UAP1L1: variants seen among roughly 807,000 people sequenced by gnomAD.
UAP1L1 encodes UDP-N-acetylhexosamine pyrophosphorylase-like protein 1.
Under a neutral mutation model 45.3 loss-of-function variants are expected in UAP1L1, and 45 were observed. The observed-to-expected ratio is 0.99, with a 90% confidence interval of 0.78 to 1.27. The LOEUF (loss-of-function observed/expected upper bound fraction) is 1.27, where lower values mean the gene tolerates loss of function less well. Among genes scored for constraint, UAP1L1 ranks in the 50% most tolerant of loss-of-function variants. UAP1L1 has a pLI of 0.00. For missense variants in UAP1L1, 667 were observed against 694.0 expected (o/e 0.96, Z 0.44); for synonymous variants, 323 against 303.9 (o/e 1.06, Z -0.65).
chr9:137,082,772 CCG>C lies in UAP1L1; in HGVS notation c.*44_*45del. On this transcript the variant is annotated 3_prime_UTR_variant, in exon 9 of 9. Transcript: ENST00000409858. This position sits in a 1 kb window ranked among gnomAD's most constrained non-coding sequence, Gnocchi z 5.7. ...CAGACTCCCCCGAGACCTGCCAGCC[CCG>C]GCATCCTGGAAGTCCCGACTCCCCC... 1 of 1,500,288 alleles carries C rather than the reference CCG, an allele frequency of 6.7e-7. No individual in the cohort carries two copies. Among genetic ancestry groups the C allele is most frequent in the South Asian group, 1.2e-5 (1 of 82,762 alleles). 92.9% of individuals were successfully genotyped at this position (1,500,288 alleles called of 1,614,324 possible).
At chr9:137,080,608 C>T in intron 6 of UAP1L1, 81 bp from the exon 7 acceptor site, 2 of 1,406,644 alleles carry the variant, frequency 1.4e-6, no homozygotes, top group Non-Finnish European at 9.7e-7. Flanking sequence ...CACTCTGTCA[C>T]TGGAAACCTG....
In UAP1L1 at chr9:137,082,604, G is replaced by T; in HGVS notation, c.1432-33G>T. The T allele has an allele frequency of 6.6e-7, 1 of 1,526,656 alleles. No individual in the cohort carries two copies. Among genetic ancestry groups the T allele is most frequent in the Non-Finnish European group, 8.9e-7 (1 of 1,124,648 alleles). 94.6% of individuals were successfully genotyped at this position (1,526,656 alleles called of 1,614,324 possible). A position where few individuals can be genotyped will look rare whatever the true frequency, so the allele number is the denominator to read the frequency against. ...AGGGGCTGTGACCCGCCAAAAGGTG[G>T]GTACTTGGCCATTGTCCCCTGCTCG... On this transcript the variant is annotated intron_variant, in intron 8 of 8. Coordinates refer to ENST00000409858, the MANE Select transcript of UAP1L1 (RefSeq NM_207309.3). The surrounding 1 kb of genome is among the most constrained non-coding windows in gnomAD (Gnocchi z 5.7).
In UAP1L1 at chr9:137,079,867, C is replaced by T. The variant is rs1034581655; in HGVS notation, c.1038-135C>T. 14 of 1,061,254 alleles carry T rather than the reference C, an allele frequency of 1.3e-5. No individual in the cohort carries two copies. In the Admixed American group the frequency reaches 3.0e-4, roughly 23 times the overall value. The allele number at this position is 1,061,254 out of a possible 1,614,324, so 65.7% of individuals were successfully genotyped here. On this transcript the variant is annotated intron_variant, in intron 5 of 8. Transcript: ENST00000409858. ...TCCCTGGAGATCTGGCCCTACTCTGCCGCTTCTGTGCCCTGTAGTGTCCTT... is the reference window on the plus strand; with the variant it reads ...TCCCTGGAGATCTGGCCCTACTCTGTCGCTTCTGTGCCCTGTAGTGTCCTT...
Position 137,082,497 on chromosome 9 carries a change from G to A in UAP1L1, c.1432-140G>A. 1 of 683,264 alleles carries A rather than the reference G, an allele frequency of 1.5e-6. No homozygotes were observed. Among genetic ancestry groups the A allele is most frequent in the Non-Finnish European group, 2.5e-6 (1 of 394,764 alleles). The allele number at this position is 683,264 out of a possible 1,614,324, so 42.3% of individuals were successfully genotyped here. A position where few individuals can be genotyped will look rare whatever the true frequency, so the allele number is the denominator to read the frequency against. On this transcript the variant is annotated intron_variant, in intron 8 of 8. Coordinates refer to ENST00000409858, the MANE Select transcript of UAP1L1 (RefSeq NM_207309.3). This position sits in a 1 kb window ranked among gnomAD's most constrained non-coding sequence, Gnocchi z 5.7. Reference sequence around the variant, plus strand: ...CAGTGTGTGTCTGCTCCTGGCCCTGGAAGCCTTTCTGTCCCCACCCCTCCC... The same window carrying A: ...CAGTGTGTGTCTGCTCCTGGCCCTGAAAGCCTTTCTGTCCCCACCCCTCCC...
chr9:137,082,603 G>A lies in UAP1L1; in HGVS notation c.1432-34G>A. ...GAGGGGCTGTGACCCGCCAAAAGGT[G>A]GGTACTTGGCCATTGTCCCCTGCTC... On this transcript the variant is annotated intron_variant, in intron 8 of 8. Transcript: ENST00000409858. This position sits in a 1 kb window ranked among gnomAD's most constrained non-coding sequence, Gnocchi z 5.7. 6.6e-7 allele frequency: 1 copy of A among 1,521,782 alleles called. No individual in the cohort carries two copies. The highest frequency in any genetic ancestry group is 8.9e-7 in the Non-Finnish European group (1 of 1,120,198). The allele number at this position is 1,521,782 out of a possible 1,614,324, so 94.3% of individuals were successfully genotyped here.
chr9:137,078,587 G>T lies in UAP1L1; in HGVS notation c.580G>T (p.Val194Leu). Residue 194 changes from valine to leucine, a missense_variant, in exon 3 of 9, where the codon GTG (valine) becomes TTG (leucine). Transcript: ENST00000409858. ...CTTCTTCCACCTGGACCCCGCCAACGTGGTCATGTTTGAGCAGCGCCTGCT... is the reference window on the plus strand; with the variant it reads ...CTTCTTCCACCTGGACCCCGCCAACTTGGTCATGTTTGAGCAGCGCCTGCT... ...HNFFHLDPAN[V>L]VMFEQRLLPA... 1 of 1,613,186 alleles carries T rather than the reference G, an allele frequency of 6.2e-7. No homozygotes were observed. Among genetic ancestry groups the T allele is most frequent in the Non-Finnish European group, 8.5e-7 (1 of 1,180,024 alleles).
rs766478973 is a variant in UAP1L1 at position 137,077,628 on chromosome 9, C to T, written c.96C>T (p.Ala32=). The change falls in exon 1 of 9, where the codon GCC becomes GCT. Residue 32 remains alanine (A), a synonymous_variant. Coordinates refer to ENST00000409858, the MANE Select transcript of UAP1L1 (RefSeq NM_207309.3). The surrounding 1 kb of genome is among the most constrained non-coding windows in gnomAD (Gnocchi z 4.7). ...FWAELAPEPR[A]ALLAELALLE... Reference sequence around the variant, plus strand: ...CCGAGCTGGCGCCGGAGCCACGAGCCGCGCTGCTGGCGGAGCTGGCGCTGC... The same window carrying T: ...CCGAGCTGGCGCCGGAGCCACGAGCTGCGCTGCTGGCGGAGCTGGCGCTGC... 5 of 1,331,712 alleles carry T rather than the reference C, an allele frequency of 3.8e-6. No homozygotes were observed. Among genetic ancestry groups the T allele is most frequent in the South Asian group, 3.1e-5 (2 of 65,088 alleles). The allele number at this position is 1,331,712 out of a possible 1,614,324, so 82.5% of individuals were successfully genotyped here.
At position 137,080,038 on chromosome 9, in the gene UAP1L1, G is replaced by A. The variant is rs763035928; in HGVS notation, c.1074G>A (p.Val358=). Residue 358 remains valine (V), a synonymous_variant, in exon 6 of 9, where the codon GTG becomes GTA. Transcript: ENST00000409858. Reference sequence around the variant, plus strand: ...CTTTGCTGAAGCCACACGTGGCTGTGAAGAAGGTCCCGTATGTGGATGAGG... The same window carrying A: ...CTTTGCTGAAGCCACACGTGGCTGTAAAGAAGGTCCCGTATGTGGATGAGG... ...FEPLLKPHVA[V]KKVPYVDEEG... 1.2e-6 allele frequency: 2 copies of A among 1,614,030 alleles called. No individual in the cohort carries two copies. Among genetic ancestry groups the A allele is most frequent in the African/African-American group, 2.7e-5 (2 of 74,952 alleles).
chr9:137,079,828 C>T (rs888947096), intron 5 of UAP1L1, 174 bp from the exon 6 acceptor site: 3 of 729,188 alleles, frequency 4.1e-6, no homozygotes, highest in African/African-American at 3.6e-5. Flanking sequence ...AGGGAGGAGG[C>T]CTGTGCCTGC....
intron 7 of UAP1L1, among the ~76,000 whole-genome samples, chr9:137,081,106 G>A (rs1213832309): frequency 1.3e-5 from 2 of 152,228 alleles, no homozygotes; most frequent in Non-Finnish European, 2.9e-5. Context: ...ACTGAGGGAG[G>A]CAGGGGCTCC....
intron 2 of UAP1L1, 80 bp downstream of exon 2, chr9:137,078,334 C>A: frequency 6.5e-7 from 1 of 1,530,252 alleles, no homozygotes; most frequent in Non-Finnish European, 8.8e-7. Context: ...ACGCGAGCCC[C>A]AACCCCGGCA....
chr9:137,082,800 C>T lies in UAP1L1; in HGVS notation c.*71C>T. 2 of 1,298,188 alleles carry T rather than the reference C, an allele frequency of 1.5e-6. No individual in the cohort carries two copies. Among genetic ancestry groups the T allele is most frequent in the Non-Finnish European group, 2.1e-6 (2 of 933,624 alleles). The allele number at this position is 1,298,188 out of a possible 1,614,324, so 80.4% of individuals were successfully genotyped here. On this transcript the variant is annotated 3_prime_UTR_variant, in exon 9 of 9. Coordinates refer to ENST00000409858, the MANE Select transcript of UAP1L1 (RefSeq NM_207309.3). The surrounding 1 kb of genome is among the most constrained non-coding windows in gnomAD (Gnocchi z 5.7). ...GCATCCTGGAAGTCCCGACTCCCCC[C>T]AGACCTGCCAGCCCCGGCGTCCTGG...
Position 137,080,736 on chromosome 9 carries a change from TGAA to T in UAP1L1, c.1230_1232del (p.Lys410del). 4 of 1,612,720 alleles carry T rather than the reference TGAA, an allele frequency of 2.5e-6. No individual in the cohort carries two copies. Among genetic ancestry groups the T allele is most frequent in the Non-Finnish European group, 3.4e-6 (4 of 1,179,828 alleles). On this transcript the variant is annotated inframe_deletion, in exon 7 of 9. Transcript: ENST00000409858. ...CTGCGGGAGGAGGAATTTTCCCCAC[TGAA>T]GAACGCAGAGCCAGCCGACAGGGAC...
rs1008542532 is a variant in UAP1L1 at position 137,078,542 on chromosome 9, G to A, written c.535G>A (p.Glu179Lys). ...CGAGTTCACTCTGGGGCCCACGGCC[G>A]AGTTCTTCAGGGAGCACAACTTCTT... is the stretch of plus-strand genomic sequence containing the variant. ...TSEFTLGPTAEFFREHNFFHL... is the reference protein window; with the variant it reads ...TSEFTLGPTAKFFREHNFFHL... The change falls in exon 3 of 9, where the codon GAG becomes AAG. Residue 179 changes from glutamate to lysine, a missense_variant. By Grantham distance (56) the Glu-to-Lys change is moderately conservative (BLOSUM62 1). Transcript: ENST00000409858. The A allele has an allele frequency of 6.2e-7, 1 of 1,613,172 alleles. No individual in the cohort carries two copies. Among genetic ancestry groups the A allele is most frequent in the African/African-American group, 1.3e-5 (1 of 75,072 alleles).
intron 6 of UAP1L1, 32 bp downstream of exon 6, chr9:137,080,174 C>G: frequency 6.2e-7 from 1 of 1,610,734 alleles, no homozygotes; most frequent in African/African-American, 1.3e-5. Context: ...TTTTCCCCTT[C>G]TTCCTTCTCT....
At chr9:137,078,942 C>A in intron 3 of UAP1L1, 34 bp from the exon 4 acceptor site, 1 of 1,555,350 alleles carries the variant, frequency 6.4e-7, no homozygotes, top group Non-Finnish European at 8.6e-7. Context: ...CTGGCGGGAG[C>A]CCTCGCGATG....
At position 137,081,986 on chromosome 9, in the gene UAP1L1, G is replaced by A. The variant is rs770311688; in HGVS notation, c.1365-12G>A. 3.1e-6 allele frequency: 5 copies of A among 1,613,950 alleles called. No individual in the cohort carries two copies. In the East Asian group the frequency reaches 8.9e-5, roughly 29 times the overall value. The stretch of plus-strand genomic sequence containing the variant: ...TGCTGCAAGGAGATATTGACAAGTG[G>A]ACTTTCCCTAGCTTGCCCCCAAATG... On this transcript the variant is annotated splice_polypyrimidine_tract_variant and intron_variant, in intron 7 of 8. Transcript: ENST00000409858.
chr9:137,080,073 T>C lies in UAP1L1; in HGVS notation c.1109T>C (p.Leu370Pro), dbSNP rs778373847. The C allele has an allele frequency of 6.2e-7, 1 of 1,614,192 alleles. No individual in the cohort carries two copies. The highest frequency in any genetic ancestry group is 2.2e-5 in the East Asian group (1 of 44,892). The stretch of plus-strand genomic sequence containing the variant: ...CCGTATGTGGATGAGGAGGGGAATC[T>C]GGTAAAGCCGCTAAAACCGAACGGG... ...KVPYVDEEGN[L>P]VKPLKPNGIK... is the part of the protein sequence containing the mutation. Residue 370 changes from leucine to proline, a missense_variant, in exon 6 of 9, where the codon CTG becomes CCG. By Grantham distance (98) the Leu-to-Pro change is moderately conservative. Transcript: ENST00000409858.
chr9:137,081,920 C>T, intron 7 of UAP1L1, 78 bp from the exon 8 acceptor site: 1 of 1,357,842 alleles, frequency 7.4e-7, no homozygotes, highest in Non-Finnish European at 1.0e-6. Flanking sequence ...AGCTCAGTCT[C>T]CTATCGGGAC....
Sources: gnomAD v4.1 joint callset for allele counts (sites outside exome capture counted in the v4.1 genomes callset) on GRCh38, gnomAD v4.1.1 for gene constraint, Gnocchi (gnomAD v3.1) non-coding constraint, MANE v1.5 for transcripts, NCBI Gene and HGNC (gene_info 2026-07-23, HGNC 2026-07-21) for gene names.